The following CPAMD8 variants were observed in gnomAD, a reference collection of about 807,000 sequenced individuals.
CPAMD8 encodes the protein C3 and PZP-like alpha-2-macroglobulin domain-containing protein 8.
CPAMD8 carries 146 observed loss-of-function variants against 224.7 expected under a neutral mutation model. That is an observed-to-expected ratio of 0.65 (90% CI 0.57 to 0.75). CPAMD8 has a LOEUF of 0.75. Ranked by LOEUF, CPAMD8 falls within the 30% of genes least tolerant of loss-of-function variation. The pLI is 0.00. For synonymous variants in CPAMD8, 966 were observed against 1,044.6 expected (o/e 0.92, Z 1.45); for missense variants, 2,301 against 2,537.5 (o/e 0.91, Z 2.00).
intron 22 of CPAMD8, among the ~76,000 whole-genome samples, chr19:16,943,354 G>T (rs890765261): frequency 1.3e-5 from 2 of 151,856 alleles, no homozygotes; most frequent in Non-Finnish European, 2.9e-5. Context: ...CGTTTTCTAG[G>T]TTTATCCACG....
chr19:16,973,609 A>C (rs1213635179), intron 17 of CPAMD8, among the ~76,000 whole-genome samples: 2 of 151,972 alleles, frequency 1.3e-5, no homozygotes, highest in African/African-American at 4.8e-5. Flanking sequence ...TTGGCCTCCC[A>C]AAGTGCTGGG....
intron 8 of CPAMD8, among the ~76,000 whole-genome samples, chr19:17,003,713 G>C (rs1048474161): frequency 2.0e-5 from 3 of 150,206 alleles, no homozygotes; most frequent in Admixed American, 6.6e-5. Flanking sequence ...GGGAAGTCAA[G>C]GCTTCAGTGA....
intron 6 of CPAMD8, 84 bp from the exon 7 acceptor site, chr19:17,008,643 T>C: frequency 7.0e-7 from 1 of 1,437,372 alleles, no homozygotes; most frequent in South Asian, 1.1e-5. Flanking sequence ...TTCCCAGTCC[T>C]CTCTCTTGGG....
intron 20 of CPAMD8, among the ~76,000 whole-genome samples, chr19:16,951,122 A>T (rs2122351767): frequency 1.3e-5 from 2 of 152,224 alleles, no homozygotes; most frequent in South Asian, 4.1e-4. Flanking sequence ...AGACTAACTC[A>T]TTTAACCCTT....
Position 16,928,076 on chromosome 19 carries a change from C to T in CPAMD8, c.3303G>A (p.Glu1101=). Residue 1101 remains glutamate (E), a synonymous_variant, in exon 25 of 42, where the codon GAG becomes GAA. Transcript: ENST00000443236. Reference sequence around the variant, plus strand: ...CGTGTGGGACCCCCAGGGTGAAGGCCTCGCTGTAGCTCTCGTCCACCTCCA... The same window carrying T: ...CGTGTGGGACCCCCAGGGTGAAGGCTTCGCTGTAGCTCTCGTCCACCTCCA... ...RKMEVDESYS[E]AFTLGVPHGA... 6.2e-7 allele frequency: 1 copy of T among 1,614,044 alleles called. No individual in the cohort carries two copies. The highest frequency in any genetic ancestry group is 8.5e-7 in the Non-Finnish European group (1 of 1,180,020).
intron 25 of CPAMD8, among the ~76,000 whole-genome samples, chr19:16,927,364 G>T (rs571338152): frequency 6.6e-6 from 1 of 151,882 alleles, no homozygotes; most frequent in African/African-American, 2.4e-5. Flanking sequence ...CGTACCTGTC[G>T]CCTTCCACCA....
At chr19:16,974,290 T>G (rs2055176436) in intron 17 of CPAMD8, among the ~76,000 whole-genome samples, 1 of 151,916 alleles carries the variant, frequency 6.6e-6, no homozygotes, top group Admixed American at 6.6e-5. Context: ...CCCTTAGCCC[T>G]TTTTAAGATG....
chr19:16,978,924 C>T (rs2055382155), intron 14 of CPAMD8, among the ~76,000 whole-genome samples: 2 of 151,532 alleles, frequency 1.3e-5, no homozygotes, highest in South Asian at 4.2e-4. Context: ...ATCCATCATC[C>T]ACCCACCCAC....
At chr19:16,919,818 T>C (rs949798886) in intron 27 of CPAMD8, among the ~76,000 whole-genome samples, 1 of 152,194 alleles carries the variant, frequency 6.6e-6, no homozygotes, top group African/African-American at 2.4e-5. Context: ...CTAGAACAGA[T>C]CCCAAGTTTT....
chr19:16,899,135 G>T lies in CPAMD8; in HGVS notation c.4848+340C>A, dbSNP rs1377540435. 1.3e-5 allele frequency among the ~76,000 whole-genome samples: 2 copies of T among 152,172 alleles called. No individual in the cohort carries two copies. Among genetic ancestry groups the T allele is most frequent in the African/African-American group, 2.4e-5 (1 of 41,434 alleles). On this transcript the variant is annotated intron_variant, in intron 37 of 41. Transcript: ENST00000443236. This position sits in a 1 kb window ranked among gnomAD's most constrained non-coding sequence, Gnocchi z 5.4. ...AGGGTTCTGTCATGTTGGCCAGGCT[G>T]GTCTTGAACTCCTGATCTCAGGTGA... is the stretch of plus-strand genomic sequence containing the variant.
chr19:16,946,326 T>A (rs1317854454), intron 21 of CPAMD8, among the ~76,000 whole-genome samples: 1 of 149,478 alleles, frequency 6.7e-6, no homozygotes, highest in African/African-American at 2.5e-5. Context: ...CGTGTGTGGA[T>A]TTGTTTGTAT....
At chr19:17,022,917 G>A (rs954721882) in intron 1 of CPAMD8, among the ~76,000 whole-genome samples, 9 of 151,966 alleles carry the variant, frequency 5.9e-5, no homozygotes, top group African/African-American at 1.9e-4. Flanking sequence ...CCCCACCACC[G>A]TGAGAAGTGC....
chr19:16,930,858 G>GCATCTTCACATCTCTGGAGCCCCA (rs1325724542), intron 23 of CPAMD8, among the ~76,000 whole-genome samples: 1 of 152,176 alleles, frequency 6.6e-6, no homozygotes, highest in Non-Finnish European at 1.5e-5. Flanking sequence ...AACAGCTCCT[G>GCATCTTCACATCTCTGGAGCCCCA]CATCTTCACA....
intron 21 of CPAMD8, among the ~76,000 whole-genome samples, chr19:16,946,107 G>A (rs1013430280): frequency 2.0e-5 from 3 of 152,098 alleles, no homozygotes; most frequent in Non-Finnish European, 2.9e-5. Context: ...GTGTATGTGT[G>A]TGCATGTGTT....
rs376136046 is a variant in CPAMD8, at chr19:16,929,154, G to T, written c.2932C>A (p.Arg978=). 2.9e-5 allele frequency: 46 copies of T among 1,613,976 alleles called. No individual in the cohort carries two copies. In the East Asian group the frequency reaches 9.4e-4, roughly 33 times the overall value. Residue 978 remains arginine, a synonymous_variant, in exon 24 of 42, where the codon CGA becomes AGA. Coordinates refer to ENST00000443236, the MANE Select transcript of CPAMD8 (RefSeq NM_015692.5). Reference sequence around the variant, plus strand: ...GCCACACGGGCATCATTGTGAGCTCGCACAGCCACATCAAAGCGGGTGAGG... The same window carrying T: ...GCCACACGGGCATCATTGTGAGCTCTCACAGCCACATCAAAGCGGGTGAGG... ...LRLTRFDVAV[R]AHNDARVALS...
intron 18 of CPAMD8, among the ~76,000 whole-genome samples, chr19:16,960,841 T>C (rs1172808684): frequency 1.3e-5 from 2 of 151,250 alleles, no homozygotes; most frequent in Non-Finnish European, 2.9e-5. Flanking sequence ...GGCAGTGAGC[T>C]GAGATCCCAT....
intron 23 of CPAMD8, among the ~76,000 whole-genome samples, chr19:16,931,857 A>C (rs2144984677): frequency 6.6e-6 from 1 of 152,272 alleles, no homozygotes; most frequent in Non-Finnish European, 1.5e-5. Context: ...AATCATATGG[A>C]GACTACACTA....
chr19:16,971,446 A>G (rs909802067), intron 17 of CPAMD8, among the ~76,000 whole-genome samples: 3 of 152,196 alleles, frequency 2.0e-5, no homozygotes, highest in Non-Finnish European at 4.4e-5. Flanking sequence ...AAGAGAGAAC[A>G]GCACATTTGA....
intron 22 of CPAMD8, among the ~76,000 whole-genome samples, chr19:16,941,532 G>A (rs2053888995): frequency 6.6e-6 from 1 of 152,168 alleles, no homozygotes; most frequent in African/African-American, 2.4e-5. Context: ...ATATGGTTTG[G>A]ATTTGTGTTC....
Sources: allele counts gnomAD v4.1 joint callset (sites outside exome capture counted in the v4.1 genomes callset), GRCh38; gene constraint gnomAD v4.1.1; non-coding constraint Gnocchi (gnomAD v3.1); transcripts MANE v1.5; gene names NCBI Gene and HGNC (gene_info 2026-07-23, HGNC 2026-07-21).